YIPF4: variants seen among roughly 807,000 people sequenced by gnomAD.
YIPF4 encodes Yip1 domain family member 4.
A neutral mutation model predicts 29.4 loss-of-function variants in YIPF4; 18 were observed. The ratio of observed to expected loss-of-function variants is 0.61; its 90% CI spans 0.42 to 0.91. The LOEUF (loss-of-function observed/expected upper bound fraction) is 0.91, where lower values mean the gene tolerates loss of function less well. Ranked by LOEUF, YIPF4 falls within the 40% of genes least tolerant of loss-of-function variation. The pLI is 0.00. For missense variants in YIPF4, 279 were observed against 282.7 expected, an observed-to-expected ratio of 0.99 and a Z score of 0.09; for synonymous variants, 115 against 104.7, an observed-to-expected ratio of 1.10 and a Z score of -0.60.
At chr2:32,290,338 C>G in intron 1 of YIPF4, 145 bp from the exon 2 acceptor site, 1 of 461,102 alleles carries the variant, frequency 2.2e-6, no homozygotes, top group Non-Finnish European at 3.5e-6. Flanking sequence ...TGTCTGTCAA[C>G]TATAAAATTT....
At position 32,307,299 on chromosome 2, in the gene YIPF4, AG is replaced by A; in HGVS notation, c.*1674del. On this transcript the variant is annotated 3_prime_UTR_variant, in exon 6 of 6. Transcript: ENST00000238831. ...GTTGACCCTGGAATCTTTCACAGAA[AG>A]CTTGGGGGTCAGGACCAGGAGGTAG... 1 of 345,254 alleles carries A rather than the reference AG, an allele frequency of 2.9e-6. No homozygotes were observed. The highest frequency in any genetic ancestry group is 4.6e-6 in the Non-Finnish European group (1 of 218,584). 21.4% of individuals were successfully genotyped at this position (345,254 alleles called of 1,614,324 possible).
rs891120543 is a variant in YIPF4, at chr2:32,310,949, A to G, written c.*5323A>G. The G allele has an allele frequency of 2.0e-5, 3 of 152,192 alleles. No homozygotes were observed. Among genetic ancestry groups the G allele is most frequent in the African/African-American group, 7.2e-5 (3 of 41,454 alleles). 9.4% of individuals were successfully genotyped at this position (152,192 alleles called of 1,614,324 possible). A position where few individuals can be genotyped will look rare whatever the true frequency, so the allele number is the denominator to read the frequency against. On this transcript the variant is annotated 3_prime_UTR_variant, in exon 6 of 6. Coordinates refer to ENST00000238831, the MANE Select transcript of YIPF4 (RefSeq NM_032312.4). ...TCAAATTTGTGGTGTTCAAGGTTCA[A>G]CTGTAATTTCCTAGCAGCATTTTGT... is the stretch of plus-strand genomic sequence containing the variant.
chr2:32,281,613 GGGTGT>G (rs1472134655), intron 1 of YIPF4, among the ~76,000 whole-genome samples: 30 of 152,130 alleles, frequency 2.0e-4, no homozygotes, highest in Admixed American at 2.0e-3. Flanking sequence ...GAGGTGAGCT[GGGTGT>G]GGTGGCTTAC....
Position 32,312,550 on chromosome 2 carries a change from C to G in YIPF4, c.*6924C>G, listed in dbSNP as rs2031735547. The G allele has an allele frequency of 6.9e-6, 1 of 144,366 alleles. No individual in the cohort carries two copies. Among genetic ancestry groups the G allele is most frequent in the Non-Finnish European group, 1.5e-5 (1 of 66,360 alleles). The allele number at this position is 144,366 out of a possible 1,614,324, so 8.9% of individuals were successfully genotyped here. ...TTCAAAGGATTGTGCTAGTGGTGGCCTGAATAATAAAACATTGAGAAGAAA... is the reference window on the plus strand; with the variant it reads ...TTCAAAGGATTGTGCTAGTGGTGGCGTGAATAATAAAACATTGAGAAGAAA... On this transcript the variant is annotated 3_prime_UTR_variant, in exon 6 of 6. Coordinates refer to ENST00000238831, the MANE Select transcript of YIPF4 (RefSeq NM_032312.4).
chr2:32,304,221 A>G (rs1285253484), intron 5 of YIPF4, among the ~76,000 whole-genome samples: 1 of 152,208 alleles, frequency 6.6e-6, no homozygotes, highest in Non-Finnish European at 1.5e-5. Flanking sequence ...GAAACTAATC[A>G]GTAAACTCCA....
intron 1 of YIPF4, among the ~76,000 whole-genome samples, chr2:32,285,678 C>CG (rs1354317432): frequency 2.8e-5 from 4 of 143,128 alleles, no homozygotes; most frequent in Non-Finnish European, 6.0e-5. Context: ...TTTTTGGAGA[C>CG]GGAGTCTTGC....
Position 32,310,742 on chromosome 2 carries a change from C to T in YIPF4, c.*5116C>T, listed in dbSNP as rs1198492312. 1 of 152,090 alleles carries T rather than the reference C, an allele frequency of 6.6e-6. No homozygotes were observed. Among genetic ancestry groups the T allele is most frequent in the Non-Finnish European group, 1.5e-5 (1 of 68,058 alleles). The allele number at this position is 152,090 out of a possible 1,614,324, so 9.4% of individuals were successfully genotyped here. On this transcript the variant is annotated 3_prime_UTR_variant, in exon 6 of 6. Coordinates refer to ENST00000238831, the MANE Select transcript of YIPF4 (RefSeq NM_032312.4). Reference sequence around the variant, plus strand: ...AAAGAAAAATTAGCTGGGCATGTGGCACCTGCCTGTGGTCCCAGCTACTCA... The same window carrying T: ...AAAGAAAAATTAGCTGGGCATGTGGTACCTGCCTGTGGTCCCAGCTACTCA...
At chr2:32,294,519 AAG>A (rs1278242388) in intron 3 of YIPF4, among the ~76,000 whole-genome samples, 2 of 121,082 alleles carry the variant, frequency 1.7e-5, no homozygotes, top group Non-Finnish European at 3.5e-5. Flanking sequence ...GGCGGCCGGG[AAG>A]AGGGGCTCCT....
intron 1 of YIPF4, among the ~76,000 whole-genome samples, chr2:32,285,548 T>C (rs937921379): frequency 9.2e-5 from 14 of 152,210 alleles, no homozygotes; most frequent in African/African-American, 3.1e-4. Context: ...TGTCACTCTG[T>C]TATTGTGACC....
chr2:32,292,912 G>T lies in YIPF4; in HGVS notation c.405+564G>T, dbSNP rs7597481. The stretch of plus-strand genomic sequence containing the variant: ...AATATTAGTATTTGTATGGCACACT[G>T]GGGTAAATGAATAGAACCACTTCCA... On this transcript the variant is annotated intron_variant, in intron 3 of 5. Coordinates refer to ENST00000238831, the MANE Select transcript of YIPF4 (RefSeq NM_032312.4). 1.5e-3 allele frequency among the ~76,000 whole-genome samples: 220 copies of T among 150,570 alleles called. 1 individual carries two copies. Among genetic ancestry groups the T allele is most frequent in the African/African-American group, 5.2e-3 (212 of 41,156 alleles).
rs979487657 is a variant in YIPF4, at chr2:32,309,468, T to C, written c.*3842T>C. 6.6e-6 allele frequency: 1 copy of C among 152,214 alleles called. No individual in the cohort carries two copies. Among genetic ancestry groups the C allele is most frequent in the Non-Finnish European group, 1.5e-5 (1 of 68,038 alleles). The allele number at this position is 152,214 out of a possible 1,614,324, so 9.4% of individuals were successfully genotyped here. A position where few individuals can be genotyped will look rare whatever the true frequency, so the allele number is the denominator to read the frequency against. On this transcript the variant is annotated 3_prime_UTR_variant, in exon 6 of 6. Transcript: ENST00000238831. ...ACTTCTAAATTAGTGAAAATTTGCA[T>C]TGAATTAAAATGTGAAGTAAATATT...
At chr2:32,283,327 T>C (rs1172317117) in intron 1 of YIPF4, among the ~76,000 whole-genome samples, 3 of 152,186 alleles carry the variant, frequency 2.0e-5, no homozygotes, top group African/African-American at 7.2e-5. Context: ...TTTTATAGTG[T>C]TTTTTAACCA....
chr2:32,306,285 G>A lies in YIPF4; in HGVS notation c.*659G>A. On this transcript the variant is annotated 3_prime_UTR_variant, in exon 6 of 6. Transcript: ENST00000238831. ...CTAAAACTGATTTTTAATAGTTGCT[G>A]ATATATATTTGGTTTGTTTGGGTAT... 1 of 981,414 alleles carries A rather than the reference G, an allele frequency of 1.0e-6. No homozygotes were observed. The highest frequency in any genetic ancestry group is 1.7e-5 in the African/African-American group (1 of 57,252). 60.8% of individuals were successfully genotyped at this position (981,414 alleles called of 1,614,324 possible). A position where few individuals can be genotyped will look rare whatever the true frequency, so the allele number is the denominator to read the frequency against.
chr2:32,278,071 G>C lies in YIPF4; in HGVS notation c.-85G>C. 8.3e-7 allele frequency: 1 copy of C among 1,205,628 alleles called. No homozygotes were observed. The highest frequency in any genetic ancestry group is 1.1e-6 in the Non-Finnish European group (1 of 870,144). The allele number at this position is 1,205,628 out of a possible 1,614,324, so 74.7% of individuals were successfully genotyped here. ...ACTCGTAGGCCGCACCGTAGGGCGA[G>C]CGTGCGGGTCGCCGCCGCGGCCGCC... is the stretch of plus-strand genomic sequence containing the variant. On this transcript the variant is annotated 5_prime_UTR_variant, in exon 1 of 6. Coordinates refer to ENST00000238831, the MANE Select transcript of YIPF4 (RefSeq NM_032312.4).
chr2:32,299,394 T>G (rs1160717702), intron 4 of YIPF4, among the ~76,000 whole-genome samples: 1 of 152,238 alleles, frequency 6.6e-6, no homozygotes, highest in Non-Finnish European at 1.5e-5. Context: ...GCTTTTTCCA[T>G]TCAATCTGTT....
At chr2:32,284,275 G>A (rs2030560013) in intron 1 of YIPF4, among the ~76,000 whole-genome samples, 1 of 152,170 alleles carries the variant, frequency 6.6e-6, no homozygotes, top group South Asian at 2.1e-4. Context: ...AGGAAAAGTG[G>A]AGGGAACTGT....
rs1230317298 is a variant in YIPF4, at chr2:32,315,153, C to T, written c.*9527C>T. ...CCTCATTGTCTCAGAAAAGTTATTT[C>T]ACCTCTAAGTATTACATCTACATTT... On this transcript the variant is annotated 3_prime_UTR_variant, in exon 6 of 6. Transcript: ENST00000238831. 4 of 152,096 alleles carry T rather than the reference C, an allele frequency of 2.6e-5. No individual in the cohort carries two copies. Among genetic ancestry groups the T allele is most frequent in the Non-Finnish European group, 5.9e-5 (4 of 68,046 alleles). 9.4% of individuals were successfully genotyped at this position (152,096 alleles called of 1,614,324 possible). A position where few individuals can be genotyped will look rare whatever the true frequency, so the allele number is the denominator to read the frequency against.
intron 1 of YIPF4, among the ~76,000 whole-genome samples, chr2:32,281,631 C>T (rs1205758790): frequency 6.6e-6 from 1 of 152,054 alleles, no homozygotes; most frequent in Non-Finnish European, 1.5e-5. Context: ...TGGCTTACAC[C>T]TGTAATCCCA....
At chr2:32,284,706 T>G (rs1024310962) in intron 1 of YIPF4, among the ~76,000 whole-genome samples, 5 of 152,192 alleles carry the variant, frequency 3.3e-5, no homozygotes, top group Admixed American at 2.6e-4. Context: ...AAGAATGGAC[T>G]AATACAGCAA....
Sources: gnomAD v4.1 joint callset for allele counts (sites outside exome capture counted in the v4.1 genomes callset) on GRCh38, gnomAD v4.1.1 for gene constraint, MANE v1.5 for transcripts, NCBI Gene and HGNC (gene_info 2026-07-23, HGNC 2026-07-21) for gene names.